The following ZDHHC21 variants were observed in gnomAD, a reference collection of about 807,000 sequenced individuals.
ZDHHC21 encodes the protein palmitoyltransferase ZDHHC21.
ZDHHC21 carries 15 observed loss-of-function variants against 34.6 expected under a neutral mutation model. That is an observed-to-expected ratio of 0.43 (90% CI 0.29 to 0.67). The LOEUF (loss-of-function observed/expected upper bound fraction) is 0.67. Among genes scored for constraint, ZDHHC21 ranks in the 30% least tolerant of loss-of-function variants. The pLI is 0.14. For synonymous variants in ZDHHC21, 142 were observed against 101.8 expected, an observed-to-expected ratio of 1.40 and a Z score of -2.38; for missense variants, 344 against 327.7, an observed-to-expected ratio of 1.05 and a Z score of -0.38.
At chr9:14,670,139 G>T (rs926237175) in intron 5 of ZDHHC21, among the ~76,000 whole-genome samples, 11 of 152,054 alleles carry the variant, frequency 7.2e-5, no homozygotes, top group Non-Finnish European at 1.3e-4. Context: ...ATAAAAATTT[G>T]TTTTTATCAG....
intron 1 of ZDHHC21, among the ~76,000 whole-genome samples, chr9:14,692,971 G>A (rs987988416): frequency 1.3e-5 from 2 of 151,956 alleles, no homozygotes; most frequent in Admixed American, 6.6e-5. Context: ...GTTGAGGGAG[G>A]AGCACTTAGC....
intron 6 of ZDHHC21, among the ~76,000 whole-genome samples, chr9:14,660,425 T>A (rs1051288083): frequency 7.3e-6 from 1 of 137,294 alleles, no homozygotes; most frequent in South Asian, 2.6e-4. Flanking sequence ...ACAGAAAACC[T>A]TGAGGCAACG....
At chr9:14,667,734 AAC>A (rs2134008407) in intron 5 of ZDHHC21, among the ~76,000 whole-genome samples, 1 of 76,608 alleles carries the variant, frequency 1.3e-5, no homozygotes, top group Admixed American at 1.5e-4. Flanking sequence ...ATATAAACAG[AAC>A]CAAAGACAAA....
chr9:14,678,569 T>C (rs960198158), intron 3 of ZDHHC21, among the ~76,000 whole-genome samples: 3 of 152,120 alleles, frequency 2.0e-5, no homozygotes, highest in African/African-American at 7.2e-5. Flanking sequence ...TCATACATTA[T>C]TGGTGGGCAT....
chr9:14,681,831 C>T (rs554198260), intron 2 of ZDHHC21, among the ~76,000 whole-genome samples: 1 of 151,924 alleles, frequency 6.6e-6, no homozygotes, highest in African/African-American at 2.4e-5. Flanking sequence ...ATCAGACTAA[C>T]AGCAGATCTC....
chr9:14,589,383 T>C, the ZDHHC21 span: 1 of 152,042 alleles, frequency 6.6e-6, no homozygotes, highest in Non-Finnish European at 1.5e-5. Context: ...ATAAATGAGG[T>C]GACTCCTGAA....
chr9:14,624,245 A>G (rs12005035), intron 8 of ZDHHC21, among the ~76,000 whole-genome samples: 1 of 152,044 alleles, frequency 6.6e-6, no homozygotes, highest in Non-Finnish European at 1.5e-5. Flanking sequence ...CAAATACTAC[A>G]CCATTTTACA....
chr9:14,636,957 G>C (rs761120526), intron 8 of ZDHHC21, among the ~76,000 whole-genome samples: 5 of 151,998 alleles, frequency 3.3e-5, no homozygotes, highest in Non-Finnish European at 7.4e-5. Flanking sequence ...ACAGTAGAAA[G>C]ATTTCAAGCA....
At chr9:14,647,427 T>C (rs528009187) in intron 7 of ZDHHC21, among the ~76,000 whole-genome samples, 16 of 152,244 alleles carry the variant, frequency 1.1e-4, no homozygotes, top group African/African-American at 3.6e-4. Context: ...TAAGACTATA[T>C]ACTATACCTT....
intron 7 of ZDHHC21, among the ~76,000 whole-genome samples, chr9:14,641,414 G>A (rs1829344065): frequency 6.6e-6 from 1 of 152,186 alleles, no homozygotes; most frequent in Non-Finnish European, 1.5e-5. Flanking sequence ...AGTAAATTCT[G>A]CATTAACACT....
Position 14,633,846 on chromosome 9 carries a change from C to A in ZDHHC21, c.621+6050G>T, listed in dbSNP as rs573269215. 1.1e-3 allele frequency among the ~76,000 whole-genome samples: 175 copies of A among 152,300 alleles called. 2 individuals carry two copies. Among genetic ancestry groups the A allele is most frequent in the African/African-American group, 4.0e-3 (168 of 41,554 alleles). Reference sequence around the variant, plus strand: ...AGCCCGCTGCATACAGCTGCAGCCACTGAAAGCAACCCCGTCCTCCCCAGT... The same window carrying A: ...AGCCCGCTGCATACAGCTGCAGCCAATGAAAGCAACCCCGTCCTCCCCAGT... On this transcript the variant is annotated intron_variant, in intron 8 of 9. Coordinates refer to ENST00000380916, the MANE Select transcript of ZDHHC21 (RefSeq NM_178566.6).
chr9:14,690,063 G>C (rs528500450), intron 2 of ZDHHC21, among the ~76,000 whole-genome samples: 1 of 152,044 alleles, frequency 6.6e-6, no homozygotes, highest in Non-Finnish European at 1.5e-5. Context: ...GATTTAAAAA[G>C]GTAACTTTTG....
chr9:14,664,162 C>T (rs1260809187), intron 5 of ZDHHC21, among the ~76,000 whole-genome samples: 3 of 152,082 alleles, frequency 2.0e-5, no homozygotes, highest in East Asian at 2.0e-4. Context: ...GCACCGTGCG[C>T]GAGCCGAAGC....
intron 3 of ZDHHC21, among the ~76,000 whole-genome samples, chr9:14,675,540 A>G (rs1836222403): frequency 6.6e-6 from 1 of 151,914 alleles, no homozygotes; most frequent in South Asian, 2.1e-4. Context: ...GCACTGACCC[A>G]TGAGCTTCAC....
At chr9:14,678,887 T>C (rs1471320540) in intron 3 of ZDHHC21, among the ~76,000 whole-genome samples, 4 of 152,064 alleles carry the variant, frequency 2.6e-5, no homozygotes, top group African/African-American at 9.7e-5. Flanking sequence ...TGCATATAAC[T>C]ACCCACAACA....
intron 2 of ZDHHC21, among the ~76,000 whole-genome samples, chr9:14,680,438 T>A (rs970989970): frequency 6.6e-6 from 1 of 152,164 alleles, no homozygotes; most frequent in African/African-American, 2.4e-5. Flanking sequence ...GCATTATATG[T>A]CCAGTATTTG....
intron 8 of ZDHHC21, among the ~76,000 whole-genome samples, chr9:14,636,510 T>C (rs1564246407): frequency 1.3e-5 from 2 of 152,012 alleles, no homozygotes; most frequent in Admixed American, 6.5e-5. Flanking sequence ...AGTAAAATAG[T>C]TAACAAAGAA....
chr9:14,640,606 G>A (rs538084835), intron 7 of ZDHHC21, among the ~76,000 whole-genome samples: 28 of 152,136 alleles, frequency 1.8e-4, no homozygotes, highest in African/African-American at 2.6e-4. Context: ...ATTGTGTTAC[G>A]TAACAGAAAT....
chr9:14,646,600 T>C (rs1830314600), intron 7 of ZDHHC21, among the ~76,000 whole-genome samples: 1 of 152,094 alleles, frequency 6.6e-6, no homozygotes, highest in African/African-American at 2.4e-5. Flanking sequence ...ACAACTACAC[T>C]GACCTCCTTG....
Sources: allele counts gnomAD v4.1 joint callset (sites outside exome capture counted in the v4.1 genomes callset), GRCh38; gene constraint gnomAD v4.1.1; transcripts MANE v1.5; gene names NCBI Gene and HGNC (gene_info 2026-07-23, HGNC 2026-07-21).